The following JPH1 variants were observed in gnomAD, a reference collection of about 807,000 sequenced individuals.
The protein encoded by JPH1 is junctophilin-1.
A neutral mutation model predicts 53.6 loss-of-function variants in JPH1; 12 were observed. The ratio of observed to expected loss-of-function variants is 0.22; its 90% CI spans 0.14 to 0.36. The LOEUF is 0.36. JPH1 is among the 10% of genes least tolerant of loss of function. The pLI, the probability that JPH1 is intolerant of heterozygous loss-of-function variation, is 1.00. For synonymous variants in JPH1, 375 were observed against 363.8 expected (o/e 1.03, Z -0.35); for missense variants, 808 against 905.5 (o/e 0.89, Z 1.38).
At position 74,244,666 on chromosome 8, in the gene JPH1, T is replaced by A; in HGVS notation, c.1768A>T (p.Ser590Cys). The change falls in exon 4 of 6, where the codon AGT (serine) becomes TGT (cysteine). Residue 590 changes from serine (S) to cysteine (C), a missense_variant. Physicochemically the swap from Ser to Cys is moderately radical, Grantham distance 112 (BLOSUM62 -1). Coordinates refer to ENST00000342232, the MANE Select transcript of JPH1 (RefSeq NM_020647.4). ...GGTTTTGTCACAGATTTGGAGGGAC[T>A]CCACTTGTTAGCGGATGGCTTGTGC... is the stretch of plus-strand genomic sequence containing the variant. ...LVHKPSANKW[S>C]PSKSVTKPVA... 1 of 1,614,204 alleles carries A rather than the reference T, an allele frequency of 6.2e-7. No individual in the cohort carries two copies.
chr8:74,295,952 C>CT (rs1172407864), intron 2 of JPH1, among the ~76,000 whole-genome samples: 1 of 150,810 alleles, frequency 6.6e-6, no homozygotes, highest in African/African-American at 2.4e-5. Context: ...CCACAAAGGA[C>CT]TTTCAGTTAC....
chr8:74,287,427 A>AT (rs1807199609), intron 2 of JPH1, among the ~76,000 whole-genome samples: 2 of 152,202 alleles, frequency 1.3e-5, no homozygotes, highest in African/African-American at 4.8e-5. Context: ...CTCAAAAAAA[A>AT]AAAAAATTAC....
intron 3 of JPH1, among the ~76,000 whole-genome samples, chr8:74,257,122 C>T (rs907705197): frequency 6.6e-6 from 1 of 152,174 alleles, no homozygotes; most frequent in Non-Finnish European, 1.5e-5. Context: ...GCTTTCTATA[C>T]AGTTGCTGAA....
chr8:74,244,398 G>T, intron 4 of JPH1, 131 bp downstream of exon 4: 2 of 955,840 alleles, frequency 2.1e-6, no homozygotes, highest in Non-Finnish European at 3.1e-6. Flanking sequence ...GTTATGTGCT[G>T]CTCTAAACAA....
chr8:74,269,334 T>C (rs937560969), intron 2 of JPH1, among the ~76,000 whole-genome samples: 2 of 152,000 alleles, frequency 1.3e-5, no homozygotes, highest in Non-Finnish European at 2.9e-5. Context: ...AACTGTTTTG[T>C]AAGGAATGTT....
At chr8:74,279,640 G>C (rs1806951744) in intron 2 of JPH1, among the ~76,000 whole-genome samples, 1 of 152,132 alleles carries the variant, frequency 6.6e-6, no homozygotes, top group African/African-American at 2.4e-5. Context: ...TAAAATTAAG[G>C]GGTGAGAAAT....
At chr8:74,314,491 T>C (rs946643096) in intron 2 of JPH1, among the ~76,000 whole-genome samples, 4 of 152,040 alleles carry the variant, frequency 2.6e-5, no homozygotes, top group African/African-American at 9.7e-5. Flanking sequence ...CAAAACACAA[T>C]GCTTGCTATG....
At position 74,235,552 on chromosome 8, in the gene JPH1, G is replaced by T. The variant is rs1806974007; in HGVS notation, c.*1499C>A. ...ATGCAAATCATGAAAATATTTAGGA[G>T]TAGCTCCCCCTCTGCAATGTAATGT... On this transcript the variant is annotated 3_prime_UTR_variant, in exon 6 of 6. Coordinates refer to ENST00000342232, the MANE Select transcript of JPH1 (RefSeq NM_020647.4). 6.6e-6 allele frequency: 1 copy of T among 152,238 alleles called. No individual in the cohort carries two copies. Among genetic ancestry groups the T allele is most frequent in the Non-Finnish European group, 1.5e-5 (1 of 68,000 alleles). The allele number at this position is 152,238 out of a possible 1,614,324, so 9.4% of individuals were successfully genotyped here.
At chr8:74,268,257 T>G (rs978595813) in intron 2 of JPH1, among the ~76,000 whole-genome samples, 3 of 152,208 alleles carry the variant, frequency 2.0e-5, no homozygotes, top group Admixed American at 6.5e-5. Flanking sequence ...GGTAAAGATT[T>G]GGAGTCAGCA....
At chr8:74,282,710 A>G (rs957236533) in intron 2 of JPH1, among the ~76,000 whole-genome samples, 5 of 152,198 alleles carry the variant, frequency 3.3e-5, no homozygotes, top group African/African-American at 1.2e-4. Flanking sequence ...GCAAAATTAC[A>G]GCTAGGTAGG....
At chr8:74,288,030 A>G (rs2131428206) in intron 2 of JPH1, among the ~76,000 whole-genome samples, 1 of 152,272 alleles carries the variant, frequency 6.6e-6, no homozygotes, top group Middle Eastern at 3.4e-3. Context: ...TGCAAAGAAA[A>G]TTAACTCCAG....
chr8:74,238,404 T>A (rs1457676371), intron 4 of JPH1, among the ~76,000 whole-genome samples: 1 of 152,232 alleles, frequency 6.6e-6, no homozygotes, highest in African/African-American at 2.4e-5. Flanking sequence ...TTTCCCTGAC[T>A]GAGCCCACAT....
At chr8:74,291,361 C>G (rs1052744146) in intron 2 of JPH1, among the ~76,000 whole-genome samples, 1 of 152,124 alleles carries the variant, frequency 6.6e-6, no homozygotes, top group Non-Finnish European at 1.5e-5. Context: ...ATGCAGCCAA[C>G]AGACACATGA....
intron 2 of JPH1, among the ~76,000 whole-genome samples, chr8:74,304,334 C>T (rs1259322864): frequency 6.6e-6 from 1 of 152,334 alleles, no homozygotes; most frequent in East Asian, 1.9e-4. Flanking sequence ...GCTACCATCA[C>T]CCCTTCCAGG....
At chr8:74,316,448 A>G (rs1364642425) in intron 1 of JPH1, among the ~76,000 whole-genome samples, 1 of 152,212 alleles carries the variant, frequency 6.6e-6, no homozygotes, top group Non-Finnish European at 1.5e-5. Flanking sequence ...GAGGGCAGGA[A>G]TTACTTCGTA....
At chr8:74,282,359 T>G (rs994608575) in intron 2 of JPH1, among the ~76,000 whole-genome samples, 7 of 152,192 alleles carry the variant, frequency 4.6e-5, no homozygotes, top group Non-Finnish European at 4.4e-5. Flanking sequence ...TATTCTAAAA[T>G]ATTACACTTG....
intron 3 of JPH1, among the ~76,000 whole-genome samples, chr8:74,248,385 G>C (rs1402689293): frequency 6.6e-6 from 1 of 152,232 alleles, no homozygotes. Flanking sequence ...GCCTATGCTT[G>C]CTGCCTATCA....
chr8:74,306,345 T>A (rs1156785357), intron 2 of JPH1, among the ~76,000 whole-genome samples: 2 of 152,150 alleles, frequency 1.3e-5, no homozygotes, highest in African/African-American at 4.8e-5. Flanking sequence ...GGCCCCTTGA[T>A]ATGGACAATC....
rs753904915 is a variant in JPH1, at chr8:74,315,498, T to C, written c.502A>G (p.Ser168Gly). The change falls in exon 2 of 6, where the codon AGC (serine) becomes GGC (glycine). Residue 168 changes from serine to glycine, a missense_variant. This residue lies in a region of JPH1 where 756 missense variants were observed against 811.9 expected (regional missense o/e 0.93). Coordinates refer to ENST00000342232, the MANE Select transcript of JPH1 (RefSeq NM_020647.4). This position sits in a 1 kb window ranked among gnomAD's most constrained non-coding sequence, Gnocchi z 6.3. Reference protein sequence around the residue: ...PLRTSLASLRSEQSNGSVLHD... With the variant: ...PLRTSLASLRGEQSNGSVLHD... ...AGCACGCTGCCATTGCTCTGCTCGC[T>C]GCGCAGCGAGGCCAGCGAGGTACGC... 1 of 1,606,090 alleles carries C rather than the reference T, an allele frequency of 6.2e-7. No individual in the cohort carries two copies. The highest frequency in any genetic ancestry group is 8.5e-7 in the Non-Finnish European group (1 of 1,177,102).
Sources: allele counts gnomAD v4.1 joint callset (sites outside exome capture counted in the v4.1 genomes callset), GRCh38; gene constraint gnomAD v4.1.1; regional missense constraint gnomAD v4.1.1; non-coding constraint Gnocchi (gnomAD v3.1); transcripts MANE v1.5; gene names NCBI Gene and HGNC (gene_info 2026-07-23, HGNC 2026-07-21).